PRKCH: variants seen among roughly 807,000 people sequenced by gnomAD.
PRKCH encodes the protein protein kinase C eta type.
PRKCH carries 28 observed loss-of-function variants against 82.5 expected under a neutral mutation model. The observed-to-expected ratio is 0.34, with a 90% CI of 0.25 to 0.47. The LOEUF (loss-of-function observed/expected upper bound fraction) is 0.47, where lower values mean the gene tolerates loss of function less well. PRKCH is among the 20% of genes least tolerant of loss of function. The pLI, the probability that PRKCH is intolerant of heterozygous loss-of-function variation, is 1.00. For missense variants in PRKCH, 705 were observed against 881.8 expected (o/e 0.80, Z 2.54); for synonymous variants, 322 against 327.4 (o/e 0.98, Z 0.18).
chr14:61,257,124 C>A (rs2045004448), intron 1 of PRKCH, among the ~76,000 whole-genome samples: 1 of 152,164 alleles, frequency 6.6e-6, no homozygotes, highest in African/African-American at 2.4e-5. Flanking sequence ...ATTTATTAAT[C>A]CACTACTCTC....
chr14:61,427,141 C>T (rs2140253212), intron 2 of PRKCH, among the ~76,000 whole-genome samples: 1 of 151,980 alleles, frequency 6.6e-6, no homozygotes, highest in African/African-American at 2.4e-5. Flanking sequence ...AAAGGCAGGA[C>T]AACTTGAAGC....
At chr14:61,242,480 C>G (rs764472820) in intron 1 of PRKCH, among the ~76,000 whole-genome samples, 8 of 152,246 alleles carry the variant, frequency 5.3e-5, no homozygotes, top group Admixed American at 1.3e-4. Flanking sequence ...TCACCACAAC[C>G]TCTGCCTCCC....
intron 1 of PRKCH, among the ~76,000 whole-genome samples, chr14:61,241,370 A>C (rs2044835520): frequency 6.6e-6 from 1 of 152,170 alleles, no homozygotes; most frequent in Admixed American, 6.5e-5. Context: ...TGATTGATTA[A>C]ATCATTGATC....
At chr14:61,413,800 C>G (rs1882411848) in intron 2 of PRKCH, among the ~76,000 whole-genome samples, 1 of 152,144 alleles carries the variant, frequency 6.6e-6, no homozygotes, top group South Asian at 2.1e-4. Context: ...CTTCTATTTT[C>G]TCTTCCAGCC....
intron 9 of PRKCH, among the ~76,000 whole-genome samples, chr14:61,483,915 C>T (rs1023309148): frequency 2.0e-5 from 3 of 152,134 alleles, no homozygotes; most frequent in African/African-American, 4.8e-5. Flanking sequence ...GTGGCGCACG[C>T]CTGTAGTCCC....
intron 10 of PRKCH, among the ~76,000 whole-genome samples, chr14:61,521,696 G>T (rs2042909717): frequency 2.0e-5 from 3 of 152,016 alleles, no homozygotes; most frequent in Admixed American, 6.5e-5. Context: ...GCCTCCCAAA[G>T]GGCTGGGATT....
At chr14:61,509,434 T>A (rs1887283499) in intron 10 of PRKCH, among the ~76,000 whole-genome samples, 1 of 152,148 alleles carries the variant, frequency 6.6e-6, no homozygotes, top group Non-Finnish European at 1.5e-5. Flanking sequence ...CTTTGTGCTG[T>A]TTACCTCTGA....
chr14:61,517,105 G>T (rs2042839588), intron 10 of PRKCH, among the ~76,000 whole-genome samples: 1 of 152,116 alleles, frequency 6.6e-6, no homozygotes, highest in Non-Finnish European at 1.5e-5. Context: ...CCTCCCCTCT[G>T]ATACTGTGTA....
intron 1 of PRKCH, among the ~76,000 whole-genome samples, chr14:61,343,691 A>G (rs1369869818): frequency 1.3e-5 from 2 of 152,262 alleles, no homozygotes; most frequent in Non-Finnish European, 2.9e-5. Context: ...ACACTGTGAA[A>G]GAGTAAAATT....
At chr14:61,232,805 G>C (rs543710158) in intron 1 of PRKCH, among the ~76,000 whole-genome samples, 17 of 152,218 alleles carry the variant, frequency 1.1e-4, no homozygotes, top group East Asian at 3.9e-4. Context: ...AGGGGATGGG[G>C]CTGAAAGTCC....
intron 1 of PRKCH, among the ~76,000 whole-genome samples, chr14:61,253,251 C>T (rs1423360927): frequency 6.6e-6 from 1 of 152,222 alleles, no homozygotes; most frequent in Non-Finnish European, 1.5e-5. Flanking sequence ...AGCAGCTTAA[C>T]TGCCTAATAG....
At chr14:61,502,914 C>T (rs1464606548) in intron 10 of PRKCH, among the ~76,000 whole-genome samples, 1 of 151,784 alleles carries the variant, frequency 6.6e-6, no homozygotes, top group African/African-American at 2.4e-5. Flanking sequence ...ATGGAATTCA[C>T]CCTTTCGAGC....
At chr14:61,499,967 C>A (rs549651254) in intron 10 of PRKCH, among the ~76,000 whole-genome samples, 1 of 151,176 alleles carries the variant, frequency 6.6e-6, no homozygotes, top group Non-Finnish European at 1.5e-5. Context: ...TCTAGTTTAC[C>A]TGTTAACAAA....
chr14:61,406,857 A>G (rs1343789756), intron 2 of PRKCH, among the ~76,000 whole-genome samples: 1 of 152,146 alleles, frequency 6.6e-6, no homozygotes, highest in Non-Finnish European at 1.5e-5. Flanking sequence ...TCCAGTAGAC[A>G]GGCATGGCTC....
At chr14:61,501,485 G>A (rs3783762) in intron 10 of PRKCH, among the ~76,000 whole-genome samples, 130,097 of 152,020 alleles carry the variant, frequency 0.86, 55,695 homozygotes, top group Middle Eastern at 0.9. Context: ...CAAGAGTCTC[G>A]TACGTTTCCT....
At chr14:61,230,175 A>G (rs2044730222) in intron 1 of PRKCH, among the ~76,000 whole-genome samples, 1 of 152,094 alleles carries the variant, frequency 6.6e-6, no homozygotes, top group Non-Finnish European at 1.5e-5. Flanking sequence ...ACTCAGCTTA[A>G]ACCTTAGAGG....
intron 1 of PRKCH, among the ~76,000 whole-genome samples, chr14:61,219,099 C>T (rs567323350): frequency 1.3e-5 from 2 of 152,330 alleles, no homozygotes; most frequent in African/African-American, 4.8e-5. Context: ...CGACATTGGA[C>T]TTCAACAACC....
chr14:61,240,253 G>A (rs1270458644), intron 1 of PRKCH, among the ~76,000 whole-genome samples: 1 of 152,096 alleles, frequency 6.6e-6, no homozygotes, highest in Non-Finnish European at 1.5e-5. Context: ...AGGGAGGGAG[G>A]GAGCCTCCAA....
Position 61,415,135 on chromosome 14 carries a change from C to G in PRKCH, c.427+23847C>G, listed in dbSNP as rs547319854. Among the ~76,000 whole-genome samples the G allele has an allele frequency of 4.6e-5, 7 of 152,096 alleles. No individual in the cohort carries two copies. In the South Asian group the frequency reaches 8.3e-4, roughly 18 times the overall value. ...AGCACTGTCTTCACTCCATTTCTGT[C>G]ATTGCCTTCTTCTGAACACTGAAGC... On this transcript the variant is annotated intron_variant, in intron 2 of 13. Coordinates refer to ENST00000332981, the MANE Select transcript of PRKCH (RefSeq NM_006255.5).
Sources: gnomAD v4.1 joint callset for allele counts (sites outside exome capture counted in the v4.1 genomes callset) on GRCh38, gnomAD v4.1.1 for gene constraint, MANE v1.5 for transcripts, NCBI Gene and HGNC (gene_info 2026-07-23, HGNC 2026-07-21) for gene names.